The following USP15 variants were observed in gnomAD, a reference collection of about 807,000 sequenced individuals.
The protein encoded by USP15 is ubiquitin carboxyl-terminal hydrolase 15.
Under a neutral mutation model 127.1 loss-of-function variants are expected in USP15, and 18 were observed. That is an observed-to-expected ratio of 0.14 (90% CI 0.10 to 0.21). The LOEUF is 0.21. USP15 is among the 10% of genes least tolerant of loss of function. The pLI, the probability that USP15 is intolerant of heterozygous loss-of-function variation, is 1.00. For synonymous variants in USP15, 364 were observed against 393.7 expected (o/e 0.92, Z 0.89); for missense variants, 805 against 1,159.9 (o/e 0.69, Z 4.44).
At chr12:62,303,037 A>G in intron 3 of USP15, 117 bp downstream of exon 3, 1 of 1,181,274 alleles carries the variant, frequency 8.5e-7, no homozygotes, top group Non-Finnish European at 1.2e-6. Context: ...AGCCAGCAAA[A>G]TAACCGTACA....
chr12:62,363,853 T>A (rs924859984), intron 8 of USP15, among the ~76,000 whole-genome samples: 10 of 152,136 alleles, frequency 6.6e-5, no homozygotes, highest in Non-Finnish European at 1.5e-5. Context: ...AGTTTTTGGC[T>A]TATATATCAT....
intron 19 of USP15, among the ~76,000 whole-genome samples, 159 bp from the exon 20 acceptor site, chr12:62,396,133 CATG>C (rs906557224): frequency 5.3e-5 from 8 of 151,638 alleles, no homozygotes; most frequent in African/African-American, 1.7e-4. Context: ...TTATTTGACT[CATG>C]ATAATTTCCT....
chr12:62,384,200 A>G lies in USP15; in HGVS notation c.1371A>G (p.Thr457=), dbSNP rs36011077. 3.2e-4 allele frequency: 510 copies of G among 1,613,090 alleles called. 3 individuals carry two copies. The African/African-American group carries it at 5.1e-3, about 16-fold the overall frequency. Residue 457 remains threonine (T), a synonymous_variant, in exon 11 of 22, where the codon ACA becomes ACG. Coordinates refer to ENST00000280377, the MANE Select transcript of USP15 (RefSeq NM_001252078.2). ...CTGAGTGTGCTAAGATTTCAGTAAC[A>G]TTTGATCCTTTTTGTTACTTGACAC... is the stretch of plus-strand genomic sequence containing the variant. ...VCPECAKISV[T]FDPFCYLTLP... is the part of the protein sequence containing the mutation.
intron 6 of USP15, among the ~76,000 whole-genome samples, chr12:62,345,589 T>G (rs754088323): frequency 1.3e-5 from 2 of 152,210 alleles, no homozygotes; most frequent in African/African-American, 2.4e-5. Flanking sequence ...CCAAAGTTGC[T>G]TACACATTTT....
intron 6 of USP15, among the ~76,000 whole-genome samples, chr12:62,334,441 A>G (rs552885421): frequency 5.1e-4 from 78 of 152,318 alleles, no homozygotes; most frequent in African/African-American, 1.8e-3. Flanking sequence ...CAATTTATAT[A>G]TAGTATAAAT....
At position 62,409,300 on chromosome 12, in the gene USP15, C is replaced by T. The variant is rs995876130; in HGVS notation, c.*4925C>T. The T allele has an allele frequency of 2.0e-5, 3 of 151,912 alleles. No individual in the cohort carries two copies. The highest frequency in any genetic ancestry group is 2.9e-5 in the Non-Finnish European group (2 of 67,968). 9.4% of individuals were successfully genotyped at this position (151,912 alleles called of 1,614,324 possible). The stretch of plus-strand genomic sequence containing the variant: ...CCATTCAAGGAAAATCAGGAATTTA[C>T]GTAATATATTGGACTACAGTCTCAA... On this transcript the variant is annotated 3_prime_UTR_variant, in exon 22 of 22. Coordinates refer to ENST00000280377, the MANE Select transcript of USP15 (RefSeq NM_001252078.2).
chr12:62,275,817 T>G (rs988534465), intron 1 of USP15, among the ~76,000 whole-genome samples: 1 of 152,080 alleles, frequency 6.6e-6, no homozygotes, highest in Non-Finnish European at 1.5e-5. Context: ...GCAGTAGAGT[T>G]GGACAGGCTT....
intron 1 of USP15, among the ~76,000 whole-genome samples, chr12:62,293,885 A>C (rs1250235869): frequency 6.6e-6 from 1 of 152,062 alleles, no homozygotes; most frequent in African/African-American, 2.4e-5. Context: ...ATTTTGACAA[A>C]TTCTTACGGT....
chr12:62,342,050 C>G (rs1285158983), intron 6 of USP15, among the ~76,000 whole-genome samples: 2 of 152,148 alleles, frequency 1.3e-5, no homozygotes, highest in African/African-American at 4.8e-5. Flanking sequence ...TTACACTAAT[C>G]AATTGTAGGT....
chr12:62,397,870 G>A lies in USP15; in HGVS notation c.2674+1472G>A, dbSNP rs1365938375. On this transcript the variant is annotated intron_variant, in intron 20 of 21. Coordinates refer to ENST00000280377, the MANE Select transcript of USP15 (RefSeq NM_001252078.2). ...GACTCTGTCTCAAAAAAAAAAAAAA[G>A]TATCAGTCTTCCCAGATTTCTATCT... Among the ~76,000 whole-genome samples the A allele has an allele frequency of 3.3e-5, 5 of 150,956 alleles. No homozygotes were observed. In the East Asian group the frequency reaches 9.7e-4, roughly 29 times the overall value.
chr12:62,282,658 C>T (rs1014487848), intron 1 of USP15, among the ~76,000 whole-genome samples: 2 of 152,166 alleles, frequency 1.3e-5, no homozygotes, highest in Admixed American at 1.3e-4. Context: ...TGCCTTCAAG[C>T]CCTCTTGGTT....
intron 3 of USP15, among the ~76,000 whole-genome samples, chr12:62,310,320 G>C (rs936443469): frequency 1.3e-5 from 2 of 151,646 alleles, no homozygotes; most frequent in South Asian, 4.2e-4. Flanking sequence ...ACCAAACATT[G>C]AATTTATTCC....
chr12:62,400,186 A>T (rs1202841945), intron 20 of USP15, among the ~76,000 whole-genome samples: 2 of 152,146 alleles, frequency 1.3e-5, no homozygotes, highest in African/African-American at 4.8e-5. Flanking sequence ...TGGGATGGGG[A>T]AAGGGGCATT....
intron 6 of USP15, among the ~76,000 whole-genome samples, chr12:62,341,447 T>G (rs755875287): frequency 6.6e-6 from 1 of 152,192 alleles, no homozygotes; most frequent in Non-Finnish European, 1.5e-5. Flanking sequence ...TTTTTGCACA[T>G]TAGTTGATGC....
chr12:62,301,323 T>C (rs947889930), intron 2 of USP15, among the ~76,000 whole-genome samples: 1 of 152,134 alleles, frequency 6.6e-6, no homozygotes, highest in African/African-American at 2.4e-5. Flanking sequence ...AGCCCAGTCA[T>C]TCCACTCCTA....
At chr12:62,267,671 T>G (rs2063229943) in intron 1 of USP15, among the ~76,000 whole-genome samples, 1 of 152,060 alleles carries the variant, frequency 6.6e-6, no homozygotes, top group Non-Finnish European at 1.5e-5. Flanking sequence ...AGAAAATCAT[T>G]TAGCAGAAGT....
intron 8 of USP15, among the ~76,000 whole-genome samples, chr12:62,365,239 C>T (rs61921863): frequency 8.5e-5 from 13 of 152,116 alleles, no homozygotes; most frequent in Non-Finnish European, 1.3e-4. Context: ...GACTAATGAT[C>T]GCCATTCTAA....
rs1189558959 is a variant in USP15, at chr12:62,324,048, A to G, written c.622-1824A>G. On this transcript the variant is annotated intron_variant, in intron 5 of 21. Coordinates refer to ENST00000280377, the MANE Select transcript of USP15 (RefSeq NM_001252078.2). ...ATTGAAAGTATCCTTACTAGAAAAT[A>G]AAACAAAGACATATTATTGAAGAGT... Among the ~76,000 whole-genome samples, 4 of 152,108 alleles carry G rather than the reference A, an allele frequency of 2.6e-5. No homozygotes were observed. The East Asian group carries it at 5.8e-4, about 22-fold the overall frequency.
In USP15 at chr12:62,407,737, C is replaced by CTGTTTGTTTGTTTGTT. The variant is rs35916086; in HGVS notation, c.*3368_*3383dup. ...GTAAACTCTACTCTAGTTTTGCTTT[C>CTGTTTGTTTGTTTGTT]TGTTTGTTTGTTTGTTTGTTTAGAG... is the stretch of plus-strand genomic sequence containing the variant. On this transcript the variant is annotated 3_prime_UTR_variant, in exon 22 of 22. Coordinates refer to ENST00000280377, the MANE Select transcript of USP15 (RefSeq NM_001252078.2). The CTGTTTGTTTGTTTGTT allele has an allele frequency of 6.6e-6, 1 of 151,006 alleles. No individual in the cohort carries two copies. The highest frequency in any genetic ancestry group is 2.0e-4 in the East Asian group (1 of 5,098). The allele number at this position is 151,006 out of a possible 1,614,324, so 9.4% of individuals were successfully genotyped here.
Sources: gnomAD v4.1 joint callset for allele counts (sites outside exome capture counted in the v4.1 genomes callset) on GRCh38, gnomAD v4.1.1 for gene constraint, MANE v1.5 for transcripts, NCBI Gene and HGNC (gene_info 2026-07-23, HGNC 2026-07-21) for gene names.